The following DCLK2 variants were observed in gnomAD, a reference collection of about 807,000 sequenced individuals.
DCLK2 encodes the protein serine/threonine-protein kinase DCLK2.
In DCLK2, 31 loss-of-function variants were observed where a neutral mutation model predicts 78.4. The observed-to-expected ratio is 0.40, with a 90% CI of 0.30 to 0.53. The LOEUF (loss-of-function observed/expected upper bound fraction) is 0.53. Among genes scored for constraint, DCLK2 ranks in the 20% least tolerant of loss-of-function variants. The pLI is 0.61. For synonymous variants in DCLK2, 407 were observed against 374.9 expected (o/e 1.09, Z -0.99); for missense variants, 872 against 973.7 (o/e 0.90, Z 1.39).
intron 5 of DCLK2, among the ~76,000 whole-genome samples, chr4:150,216,356 C>T (rs1740717738): frequency 6.6e-6 from 1 of 152,178 alleles, no homozygotes; most frequent in Admixed American, 6.6e-5. Context: ...AAGTTCTCAG[C>T]AGCTCGGTGC....
chr4:150,229,252 T>A (rs987850974), intron 8 of DCLK2, among the ~76,000 whole-genome samples: 1 of 152,120 alleles, frequency 6.6e-6, no homozygotes, highest in Non-Finnish European at 1.5e-5. Context: ...TGCTTGAGCC[T>A]GGGAGGTTGA....
chr4:150,200,086 C>T (rs1164991977), intron 4 of DCLK2, among the ~76,000 whole-genome samples: 1 of 152,106 alleles, frequency 6.6e-6, no homozygotes, highest in Admixed American at 6.6e-5. Flanking sequence ...ATTTTGTCCC[C>T]CTGAGGTCAA....
chr4:150,122,151 T>G (rs1732595710), intron 2 of DCLK2, among the ~76,000 whole-genome samples: 1 of 152,200 alleles, frequency 6.6e-6, no homozygotes, highest in African/African-American at 2.4e-5. Context: ...CTTTCAAAAT[T>G]TGTCATTCCT....
intron 3 of DCLK2, among the ~76,000 whole-genome samples, chr4:150,194,421 A>G (rs1738712124): frequency 6.6e-6 from 1 of 152,204 alleles, no homozygotes. Context: ...ATATGACTAT[A>G]TTTAGAAAGA....
At chr4:150,253,720 G>T (rs897984254) in intron 15 of DCLK2, 9 of 985,256 alleles carry the variant, frequency 9.1e-6, no homozygotes, top group Admixed American at 1.2e-4. Flanking sequence ...CAGGCCCCTG[G>T]AAAACTTTAT....
chr4:150,125,692 C>T (rs1247538044), intron 2 of DCLK2, among the ~76,000 whole-genome samples: 1 of 152,068 alleles, frequency 6.6e-6, no homozygotes, highest in Non-Finnish European at 1.5e-5. Context: ...GAGTTCAAGA[C>T]CAGCCTGGCC....
chr4:150,157,512 TGTTTG>T (rs1735392556), intron 2 of DCLK2, among the ~76,000 whole-genome samples: 15 of 148,928 alleles, frequency 1.0e-4, no homozygotes, highest in East Asian at 4.1e-4. Context: ...TTTGTTTGTT[TGTTTG>T]TTTGTTTGTT....
Position 150,218,040 on chromosome 4 carries a change from GCTCGCTCTCACT to G in DCLK2, c.1057-2653_1057-2642del, listed in dbSNP as rs1398251380. Among the ~76,000 whole-genome samples, 8 of 152,056 alleles carry G rather than the reference GCTCGCTCTCACT, an allele frequency of 5.3e-5. No individual in the cohort carries two copies. In the South Asian group the frequency reaches 1.0e-3, roughly 20 times the overall value. ...TTGGCCCCATGCCATGCTCGCTGTTGCTCGCTCTCACTCTCGCTCTCTCTCTCGCTCTCTCTC... is the reference window on the plus strand; with the variant it reads ...TTGGCCCCATGCCATGCTCGCTGTTGCTCGCTCTCTCTCTCGCTCTCTCTC... On this transcript the variant is annotated intron_variant, in intron 5 of 15. Transcript: ENST00000296550.
At chr4:150,088,924 C>G (rs181536405) in intron 1 of DCLK2, among the ~76,000 whole-genome samples, 16 of 152,316 alleles carry the variant, frequency 1.1e-4, no homozygotes, top group Admixed American at 1.0e-3. Flanking sequence ...GCCGGCTGCA[C>G]CAATGGCAGG....
At chr4:150,148,197 C>T (rs56141146) in intron 2 of DCLK2, among the ~76,000 whole-genome samples, 14,809 of 152,070 alleles carry the variant, frequency 0.097, 807 homozygotes, top group East Asian at 0.15. Flanking sequence ...AACCATGTCT[C>T]CACTAAAAAT....
intron 7 of DCLK2, among the ~76,000 whole-genome samples, chr4:150,222,710 CAAAA>C (rs1245877405): frequency 6.7e-6 from 1 of 149,870 alleles, no homozygotes; most frequent in Non-Finnish European, 1.5e-5. Flanking sequence ...AAAAAAAAAA[CAAAA>C]AAAATTCCAG....
intron 15 of DCLK2, among the ~76,000 whole-genome samples, chr4:150,255,506 CT>C (rs1464341940): frequency 6.6e-6 from 1 of 152,208 alleles, no homozygotes; most frequent in Non-Finnish European, 1.5e-5. Context: ...CATGGAGGAT[CT>C]GAAAAAAGAG....
intron 1 of DCLK2, 82 bp downstream of exon 1, chr4:150,079,530 C>T (rs1229124346): frequency 3.0e-6 from 4 of 1,349,818 alleles, no homozygotes; most frequent in Non-Finnish European, 3.9e-6. Flanking sequence ...GCGGGGAGCC[C>T]GCGGGGTGCT....
chr4:150,243,808 C>T (rs1435408607), intron 12 of DCLK2, among the ~76,000 whole-genome samples: 1 of 150,202 alleles, frequency 6.7e-6, no homozygotes, highest in African/African-American at 2.4e-5. Flanking sequence ...CTCAAGGAAT[C>T]CTCCCACCTC....
chr4:150,145,273 C>T (rs1472916294), intron 2 of DCLK2, among the ~76,000 whole-genome samples: 1 of 152,154 alleles, frequency 6.6e-6, no homozygotes, highest in Non-Finnish European at 1.5e-5. Flanking sequence ...CAGGCATCAC[C>T]CCCAGGGTTT....
chr4:150,214,480 C>A (rs185845557), intron 5 of DCLK2, among the ~76,000 whole-genome samples: 1 of 152,092 alleles, frequency 6.6e-6, no homozygotes, highest in African/African-American at 2.4e-5. Flanking sequence ...TCTTGCTCAC[C>A]AGGAGTTTGC....
chr4:150,195,290 ATTATATATTATATATTATATTATATAT>A lies in DCLK2; in HGVS notation c.859+2052_859+2078del. Among the ~76,000 whole-genome samples, 10 of 5,746 alleles carry A rather than the reference ATTATATATTATATATTATATTATATAT, an allele frequency of 1.7e-3. 5 individuals are homozygous for A. The highest frequency in any genetic ancestry group is 5.1e-3 in the Non-Finnish European group (10 of 1,948). The allele number at this position is 5,746 out of a possible 152,430, so 3.8% of individuals were successfully genotyped here. ...TATTATATATTATATTATATATTAT[ATTATATATTATATATTATATTATATAT>A]TATATTATATATTATATATATTATA... On this transcript the variant is annotated intron_variant, in intron 3 of 15. Coordinates refer to ENST00000296550, the MANE Select transcript of DCLK2 (RefSeq NM_001040260.4).
At chr4:150,157,919 G>A (rs945849702) in intron 2 of DCLK2, among the ~76,000 whole-genome samples, 5 of 152,176 alleles carry the variant, frequency 3.3e-5, no homozygotes, top group East Asian at 1.9e-4. Context: ...ATGAGCTGCC[G>A]TGCCTGGCCC....
At chr4:150,166,124 G>A (rs556534848) in intron 2 of DCLK2, among the ~76,000 whole-genome samples, 73 of 152,198 alleles carry the variant, frequency 4.8e-4, no homozygotes, top group Non-Finnish European at 9.1e-4. Flanking sequence ...GAAGACACCA[G>A]GTGTCCGAGT....
Sources: gnomAD v4.1 joint callset for allele counts (sites outside exome capture counted in the v4.1 genomes callset) on GRCh38, gnomAD v4.1.1 for gene constraint, MANE v1.5 for transcripts, NCBI Gene and HGNC (gene_info 2026-07-23, HGNC 2026-07-21) for gene names.